The following MICU3 variants were observed in gnomAD, a reference collection of about 807,000 sequenced individuals.
The protein encoded by MICU3 is calcium uptake protein 3, mitochondrial.
MICU3 carries 62 observed loss-of-function variants against 66.5 expected under a neutral mutation model. The observed-to-expected ratio is 0.93, with a 90% CI of 0.76 to 1.15. MICU3 has a LOEUF of 1.15. MICU3 is among the 50% of genes most tolerant of loss of function. The pLI is 0.00. For synonymous variants in MICU3, 308 were observed against 240.7 expected (o/e 1.28, Z -2.59); for missense variants, 779 against 664.4 (o/e 1.17, Z -1.90).
the MICU3 span, among the ~76,000 whole-genome samples, chr8:17,138,591 C>T: frequency 3.9e-5 from 6 of 152,132 alleles, no homozygotes; most frequent in African/African-American, 9.6e-5. Flanking sequence ...TACGCACCAT[C>T]GTCTTCAGAC....
At chr8:17,053,797 G>A (rs562559830) in intron 1 of MICU3, among the ~76,000 whole-genome samples, 2 of 152,272 alleles carry the variant, frequency 1.3e-5, no homozygotes, top group South Asian at 4.2e-4. Flanking sequence ...CTTTCTAGAG[G>A]TAGAAAGAAG....
At chr8:17,093,725 A>T (rs1800337716) in intron 8 of MICU3, among the ~76,000 whole-genome samples, 1 of 151,928 alleles carries the variant, frequency 6.6e-6, no homozygotes. Context: ...CTATCCCTAG[A>T]TCTCTAGAAA....
At chr8:17,128,344 C>A in the MICU3 span, among the ~76,000 whole-genome samples, 6 of 151,772 alleles carry the variant, frequency 4.0e-5, no homozygotes, top group African/African-American at 1.5e-4. Context: ...AGAATTCAAC[C>A]AAATCCAGAT....
At chr8:17,062,730 A>G (rs1818038191) in intron 1 of MICU3, among the ~76,000 whole-genome samples, 1 of 152,166 alleles carries the variant, frequency 6.6e-6, no homozygotes, top group Admixed American at 6.5e-5. Context: ...CAGTTTGACT[A>G]AAAAGTCTTC....
At chr8:17,117,233 C>G (rs1338422258) in intron 13 of MICU3, among the ~76,000 whole-genome samples, 1 of 152,066 alleles carries the variant, frequency 6.6e-6, no homozygotes, top group Non-Finnish European at 1.5e-5. Flanking sequence ...CTGCCTTGAC[C>G]TCCCAAAGTG....
At chr8:17,078,941 A>G (rs967359139) in intron 4 of MICU3, among the ~76,000 whole-genome samples, 1 of 152,196 alleles carries the variant, frequency 6.6e-6, no homozygotes, top group Non-Finnish European at 1.5e-5. Flanking sequence ...AGGATGAGGA[A>G]AATTCAAAGC....
intron 1 of MICU3, among the ~76,000 whole-genome samples, chr8:17,036,993 C>T (rs535948709): frequency 7.2e-5 from 11 of 152,344 alleles, no homozygotes; most frequent in East Asian, 5.8e-4. Flanking sequence ...GGCGAGAAAT[C>T]GAGCGCAGCG....
chr8:17,130,794 A>G, the MICU3 span, among the ~76,000 whole-genome samples: 1 of 152,338 alleles, frequency 6.6e-6, no homozygotes, highest in East Asian at 1.9e-4. Flanking sequence ...TGGGTACAAC[A>G]AATAGAATAA....
intron 5 of MICU3, among the ~76,000 whole-genome samples, 199 bp from the exon 6 acceptor site, chr8:17,085,037 T>C (rs1563352526): frequency 6.6e-6 from 1 of 152,142 alleles, no homozygotes; most frequent in Admixed American, 6.6e-5. Context: ...ATGCAACAAG[T>C]ATCACAGAAG....
At chr8:17,109,745 T>A (rs775920178) in intron 11 of MICU3, among the ~76,000 whole-genome samples, 1 of 152,074 alleles carries the variant, frequency 6.6e-6, no homozygotes, top group African/African-American at 2.4e-5. Flanking sequence ...AATAAATAAT[T>A]TAAAAATTTT....
intron 1 of MICU3, among the ~76,000 whole-genome samples, chr8:17,028,012 A>C (rs1007005165): frequency 6.6e-6 from 1 of 152,204 alleles, no homozygotes; most frequent in Non-Finnish European, 1.5e-5. Context: ...AGGAACTCCT[A>C]GATTGCGCGG....
intron 4 of MICU3, among the ~76,000 whole-genome samples, chr8:17,080,661 T>C (rs1821047495): frequency 6.6e-6 from 1 of 152,110 alleles, no homozygotes; most frequent in African/African-American, 2.4e-5. Context: ...ACCAGAACTA[T>C]CTGTCTATAG....
chr8:17,126,195 C>T (rs943854999), downstream of MICU3, among the ~76,000 whole-genome samples: 1 of 152,020 alleles, frequency 6.6e-6, no homozygotes, highest in African/African-American at 2.4e-5. Flanking sequence ...ATAGTACAAC[C>T]TTGAGAGGTA....
intron 9 of MICU3, chr8:17,102,498 A>G (rs1801351788): frequency 8.3e-6 from 1 of 121,064 alleles, no homozygotes; most frequent in Non-Finnish European, 1.6e-5. Flanking sequence ...CATTTTATAG[A>G]TAAGAAAGCT....
chr8:17,117,306 T>A (rs1318382632), intron 13 of MICU3, among the ~76,000 whole-genome samples: 1 of 152,156 alleles, frequency 6.6e-6, no homozygotes, highest in Non-Finnish European at 1.5e-5. Flanking sequence ...TGACACAGAT[T>A]TCCTCTAGGT....
chr8:17,030,821 C>G (rs147011701), intron 1 of MICU3, among the ~76,000 whole-genome samples: 2,001 of 152,214 alleles, frequency 0.013, 23 homozygotes, highest in Middle Eastern at 0.048. Flanking sequence ...ATATTAATAC[C>G]TTACTTCTAT....
rs1801758791 is a variant in MICU3 at position 17,106,561 on chromosome 8, T to G, written c.1257+977T>G. 2.3e-5 allele frequency among the ~76,000 whole-genome samples: 3 copies of G among 132,140 alleles called. No homozygotes were observed. The South Asian group carries it at 6.9e-4, about 30-fold the overall frequency. The allele number at this position is 132,140 out of a possible 152,430, so 86.7% of individuals were successfully genotyped here. ...CTTGAATCTGCTTTTTTTTTTTTTT[T>G]TGCTTTTATTAAATGGAAATATTAA... is the stretch of plus-strand genomic sequence containing the variant. On this transcript the variant is annotated intron_variant, in intron 11 of 14. Coordinates refer to ENST00000318063, the MANE Select transcript of MICU3 (RefSeq NM_181723.3).
intron 1 of MICU3, among the ~76,000 whole-genome samples, chr8:17,049,985 C>T (rs1815787451): frequency 6.6e-6 from 1 of 152,090 alleles, no homozygotes; most frequent in Non-Finnish European, 1.5e-5. Context: ...ATCTACCATA[C>T]CCCTTTCCAT....
intron 4 of MICU3, among the ~76,000 whole-genome samples, chr8:17,078,459 A>T (rs1820707236): frequency 6.6e-6 from 1 of 152,086 alleles, no homozygotes; most frequent in Non-Finnish European, 1.5e-5. Context: ...CTTTTATTGT[A>T]ATTTTCTTTT....
Sources: gnomAD v4.1 joint callset for allele counts (sites outside exome capture counted in the v4.1 genomes callset) on GRCh38, gnomAD v4.1.1 for gene constraint, MANE v1.5 for transcripts, NCBI Gene and HGNC (gene_info 2026-07-23, HGNC 2026-07-21) for gene names.